FKBP1B: variants seen among roughly 807,000 people sequenced by gnomAD.
FKBP1B encodes the protein FKBP prolyl isomerase 1B, also known as peptidyl-prolyl cis-trans isomerase FKBP1B.
FKBP1B carries 4 observed loss-of-function variants against 13.5 expected under a neutral mutation model. That is an observed-to-expected ratio of 0.30 (90% CI 0.15 to 0.68). The LOEUF (loss-of-function observed/expected upper bound fraction) is 0.68, where lower values mean the gene tolerates loss of function less well. Among genes scored for constraint, FKBP1B ranks in the 30% least tolerant of loss-of-function variants. The pLI is 0.76. For missense variants in FKBP1B, 93 were observed against 136.2 expected, an observed-to-expected ratio of 0.68 and a Z score of 1.58; for synonymous variants, 54 against 53.6, an observed-to-expected ratio of 1.01 and a Z score of -0.03.
intron 3 of FKBP1B, among the ~76,000 whole-genome samples, chr2:24,062,071 CG>C (rs1461126171): frequency 1.3e-5 from 2 of 152,064 alleles, no homozygotes; most frequent in African/African-American, 4.8e-5. Context: ...GGGGTTTCAC[CG>C]TTGTTAGCCA....
the FKBP1B span, among the ~76,000 whole-genome samples, chr2:24,044,156 T>C: frequency 3.3e-5 from 5 of 152,172 alleles, no homozygotes; most frequent in Admixed American, 2.6e-4. Flanking sequence ...AGTCGATTTA[T>C]ATATTTTAGG....
intron 2 of FKBP1B, among the ~76,000 whole-genome samples, chr2:24,055,210 T>C (rs958742979): frequency 6.6e-6 from 1 of 151,288 alleles, no homozygotes. Flanking sequence ...TTTTTTTTTT[T>C]TGTCATTGTT....
At chr2:24,053,172 C>A (rs1663957121) in intron 1 of FKBP1B, among the ~76,000 whole-genome samples, 1 of 151,906 alleles carries the variant, frequency 6.6e-6, no homozygotes, top group African/African-American at 2.4e-5. Flanking sequence ...AGTGCAGTAG[C>A]ATGAACACAG....
chr2:24,045,321 G>T (rs934724602), upstream of FKBP1B, among the ~76,000 whole-genome samples: 14 of 152,306 alleles, frequency 9.2e-5, no homozygotes, highest in African/African-American at 3.4e-4. Context: ...GGCAGGGCAG[G>T]CTGGGTGTGG....
At chr2:24,058,575 T>G (rs1349281380) in intron 2 of FKBP1B, among the ~76,000 whole-genome samples, 6 of 152,208 alleles carry the variant, frequency 3.9e-5, no homozygotes, top group African/African-American at 1.4e-4. Context: ...AACTAAGGAA[T>G]GAGAAAGGAA....
At chr2:24,038,936 C>A in the FKBP1B span, 2 of 1,614,184 alleles carry the variant, frequency 1.2e-6, no homozygotes, top group South Asian at 1.1e-5. Context: ...GTCTTCTGAG[C>A]GCTGTCCCAA....
Position 24,060,300 on chromosome 2 carries a change from C to T in FKBP1B, c.86-514C>T, listed in dbSNP as rs988945615. Among the ~76,000 whole-genome samples the T allele has an allele frequency of 1.3e-4, 20 of 152,246 alleles. No homozygotes were observed. The East Asian group carries it at 2.3e-3, about 18-fold the overall frequency. On this transcript the variant is annotated intron_variant, in intron 2 of 3. Transcript: ENST00000380986. ...GCACAGTGGCTCATGCTTGTAATCC[C>T]AGCACTTTGGGAGGCCAAGGTGGGT...
At chr2:24,054,979 G>A (rs1179710275) in intron 2 of FKBP1B, among the ~76,000 whole-genome samples, 1 of 152,094 alleles carries the variant, frequency 6.6e-6, no homozygotes, top group African/African-American at 2.4e-5. Flanking sequence ...GGGAGACTAT[G>A]GGACTTTTGG....
At chr2:24,041,892 G>A in the FKBP1B span, among the ~76,000 whole-genome samples, 6 of 147,534 alleles carry the variant, frequency 4.1e-5, no homozygotes, top group African/African-American at 1.5e-4. Context: ...GATACATATA[G>A]TCAGTAGGGA....
intron 2 of FKBP1B, among the ~76,000 whole-genome samples, chr2:24,059,376 G>T (rs560056006): frequency 2.6e-5 from 4 of 151,702 alleles, no homozygotes; most frequent in East Asian, 1.9e-4. Flanking sequence ...AGCACCTGGG[G>T]GGGGGTTCTG....
chr2:24,038,861 T>C, the FKBP1B span: 1 of 1,614,232 alleles, frequency 6.2e-7, no homozygotes, highest in Non-Finnish European at 8.5e-7. Flanking sequence ...GAGTCCACAG[T>C]TGCTGTGATG....
At chr2:24,037,329 C>G in the FKBP1B span, among the ~76,000 whole-genome samples, 1 of 152,202 alleles carries the variant, frequency 6.6e-6, no homozygotes, top group African/African-American at 2.4e-5. Context: ...AGCAACATAA[C>G]CTTTTTTATA....
chr2:24,037,426 A>C, the FKBP1B span, among the ~76,000 whole-genome samples: 1 of 152,238 alleles, frequency 6.6e-6, no homozygotes, highest in East Asian at 1.9e-4. Flanking sequence ...TGCCCGAATT[A>C]GTGCAGACAT....
upstream of FKBP1B, among the ~76,000 whole-genome samples, chr2:24,044,857 T>C (rs1435286488): frequency 6.6e-6 from 1 of 150,676 alleles, no homozygotes; most frequent in African/African-American, 2.4e-5. Context: ...GCGGTGATCA[T>C]TTTGCTCTTC....
Position 24,060,801 on chromosome 2 carries a change from C to G in FKBP1B, c.86-13C>G, listed in dbSNP as rs762034560. On this transcript the variant is annotated splice_polypyrimidine_tract_variant and intron_variant, in intron 2 of 3. Transcript: ENST00000380986. Reference sequence around the variant, plus strand: ...GACCACAGCTCTATTGCACCCGATTCTTGCTTTGACAGGAATGCTCCAAAA... The same window carrying G: ...GACCACAGCTCTATTGCACCCGATTGTTGCTTTGACAGGAATGCTCCAAAA... The G allele has an allele frequency of 6.2e-7, 1 of 1,606,150 alleles. No homozygotes were observed. The highest frequency in any genetic ancestry group is 1.1e-5 in the South Asian group (1 of 90,834).
At chr2:24,037,988 G>A in the FKBP1B span, 2 of 1,614,216 alleles carry the variant, frequency 1.2e-6, no homozygotes, top group Non-Finnish European at 1.7e-6. Flanking sequence ...ATACTAGACA[G>A]AGGACTCTGG....
chr2:24,062,982 A>G, intron 3 of FKBP1B, 82 bp from the exon 4 acceptor site: 2 of 1,606,558 alleles, frequency 1.2e-6, no homozygotes, highest in South Asian at 2.2e-5. Context: ...GTTTGGGAAA[A>G]TGCCATAGTC....
At chr2:24,061,693 A>T (rs1664401215) in intron 3 of FKBP1B, among the ~76,000 whole-genome samples, 1 of 152,184 alleles carries the variant, frequency 6.6e-6, no homozygotes, top group Non-Finnish European at 1.5e-5. Flanking sequence ...CACTGATACA[A>T]ATTACTTACT....
Position 24,050,549 on chromosome 2 carries a change from G to A in FKBP1B, c.37+663G>A, listed in dbSNP as rs1663820917. Among the ~76,000 whole-genome samples, 1 of 152,124 alleles carries A rather than the reference G, an allele frequency of 6.6e-6. No homozygotes were observed. Among genetic ancestry groups the A allele is most frequent in the African/African-American group, 2.4e-5 (1 of 41,418 alleles). ...CGAACCTCTCCCTGGACGTCCCAGG[G>A]TGCTCCCTGGTCAGCAAGTCCAAAA... On this transcript the variant is annotated intron_variant, in intron 1 of 3. Transcript: ENST00000380986. The surrounding 1 kb of genome is among the most constrained non-coding windows in gnomAD (Gnocchi z 5.8).
Sources: allele counts gnomAD v4.1 joint callset (sites outside exome capture counted in the v4.1 genomes callset), GRCh38; gene constraint gnomAD v4.1.1; non-coding constraint Gnocchi (gnomAD v3.1); transcripts MANE v1.5; gene names NCBI Gene and HGNC (gene_info 2026-07-23, HGNC 2026-07-21).